Variants in PRDM16 observed in about 807,000 individuals in gnomAD.
PRDM16 encodes histone-lysine N-methyltransferase PRDM16.
PRDM16 carries 23 observed loss-of-function variants against 110.6 expected under a neutral mutation model. That is an observed-to-expected ratio of 0.21 (90% CI 0.15 to 0.29). The LOEUF (loss-of-function observed/expected upper bound fraction) is 0.29, where lower values mean the gene tolerates loss of function less well. PRDM16 is among the 10% of genes least tolerant of loss of function. The pLI is 1.00. For synonymous variants in PRDM16, 799 were observed against 781.8 expected, an observed-to-expected ratio of 1.02 and a Z score of -0.37; for missense variants, 1,615 against 1,794.3, an observed-to-expected ratio of 0.90 and a Z score of 1.81.
intron 2 of PRDM16, among the ~76,000 whole-genome samples, chr1:3,200,551 C>T (rs1334033289): frequency 2.6e-5 from 4 of 152,140 alleles, no homozygotes; most frequent in Admixed American, 2.6e-4. Flanking sequence ...ACCGTGTTAG[C>T]CAGGATGGTC....
chr1:3,326,990 C>T (rs1009343443), intron 3 of PRDM16, among the ~76,000 whole-genome samples: 1 of 152,236 alleles, frequency 6.6e-6, no homozygotes, highest in African/African-American at 2.4e-5. Context: ...GGGAGGAGCC[C>T]ACGCACAGGG....
At chr1:3,281,160 A>G (rs1640703910) in intron 3 of PRDM16, among the ~76,000 whole-genome samples, 1 of 152,240 alleles carries the variant, frequency 6.6e-6, no homozygotes, top group Non-Finnish European at 1.5e-5. Context: ...ATGCTGCAAG[A>G]TGCCCAGATG....
At chr1:3,225,565 TG>T (rs1557541549) in intron 2 of PRDM16, among the ~76,000 whole-genome samples, 1 of 125,234 alleles carries the variant, frequency 8.0e-6, no homozygotes, top group East Asian at 2.9e-4. Flanking sequence ...TGTGTGTGTG[TG>T]TGTGTGTGCG....
At chr1:3,164,112 C>T (rs1034652120) in intron 1 of PRDM16, among the ~76,000 whole-genome samples, 1 of 152,272 alleles carries the variant, frequency 6.6e-6, no homozygotes, top group Non-Finnish European at 1.5e-5. Context: ...CTGTGTCGTC[C>T]ATCAACTTCC....
chr1:3,296,410 G>A lies in PRDM16; in HGVS notation c.438+52273G>A, dbSNP rs564482370. Among the ~76,000 whole-genome samples, 26 of 152,368 alleles carry A rather than the reference G, an allele frequency of 1.7e-4. No homozygotes were observed. The South Asian group carries it at 5.4e-3, about 32-fold the overall frequency. On this transcript the variant is annotated intron_variant, in intron 3 of 16. Coordinates refer to ENST00000270722, the MANE Select transcript of PRDM16 (RefSeq NM_022114.4). ...ACTTCTCCTTCCTCCACTCTGTGCGGAACTGGGGCCGGGGGCAGAGGTAGG... is the reference window on the plus strand; with the variant it reads ...ACTTCTCCTTCCTCCACTCTGTGCGAAACTGGGGCCGGGGGCAGAGGTAGG...
At chr1:3,095,361 C>T (rs546927153) in intron 1 of PRDM16, among the ~76,000 whole-genome samples, 3 of 149,540 alleles carry the variant, frequency 2.0e-5, no homozygotes, top group South Asian at 2.1e-4. Context: ...TGCTGGGTGC[C>T]GCTGGGGTGC....
intron 2 of PRDM16, among the ~76,000 whole-genome samples, chr1:3,199,114 G>T (rs1638555006): frequency 6.6e-6 from 1 of 152,192 alleles, no homozygotes; most frequent in Admixed American, 6.5e-5. Flanking sequence ...AGGCTGGAGA[G>T]AGTGCTGTGC....
chr1:3,156,039 C>T (rs1370631687), intron 1 of PRDM16, among the ~76,000 whole-genome samples: 1 of 152,220 alleles, frequency 6.6e-6, no homozygotes, highest in Non-Finnish European at 1.5e-5. Context: ...AGAGAGAAAA[C>T]AGCTCTGTCA....
At chr1:3,117,844 C>A (rs1165441962) in intron 1 of PRDM16, among the ~76,000 whole-genome samples, 1 of 152,146 alleles carries the variant, frequency 6.6e-6, no homozygotes, top group African/African-American at 2.4e-5. Flanking sequence ...TCCGCACATT[C>A]ATGTTTCCAC....
At chr1:3,285,088 C>T (rs911078819) in intron 3 of PRDM16, among the ~76,000 whole-genome samples, 1 of 152,140 alleles carries the variant, frequency 6.6e-6, no homozygotes, top group Non-Finnish European at 1.5e-5. Context: ...ACTCTCTGGC[C>T]CCCCCAAGTT....
Position 3,148,765 on chromosome 1 carries a change from T to G in PRDM16, c.38-37360T>G, listed in dbSNP as rs1643725283. On this transcript the variant is annotated intron_variant, in intron 1 of 16. Transcript: ENST00000270722. This position sits in a 1 kb window ranked among gnomAD's most constrained non-coding sequence, Gnocchi z 5.0. ...GGGACCATGGGGGGACCACAATATCTCTCTAAAATCCCCAAATCCATCCCC... is the reference window on the plus strand; with the variant it reads ...GGGACCATGGGGGGACCACAATATCGCTCTAAAATCCCCAAATCCATCCCC... 6.6e-6 allele frequency among the ~76,000 whole-genome samples: 1 copy of G among 152,222 alleles called. No individual in the cohort carries two copies. Among genetic ancestry groups the G allele is most frequent in the Non-Finnish European group, 1.5e-5 (1 of 68,044 alleles).
intron 3 of PRDM16, among the ~76,000 whole-genome samples, chr1:3,283,096 C>G (rs1237030084): frequency 6.6e-6 from 1 of 152,232 alleles, no homozygotes; most frequent in Non-Finnish European, 1.5e-5. Context: ...CGTCTTCACT[C>G]TGCCCCTCCC....
chr1:3,388,458 G>C (rs965368286), intron 4 of PRDM16, among the ~76,000 whole-genome samples: 1 of 152,194 alleles, frequency 6.6e-6, no homozygotes, highest in Non-Finnish European at 1.5e-5. Context: ...ACTTCGGTCA[G>C]AAAAGCATCA....
At position 3,173,538 on chromosome 1, in the gene PRDM16, CA is replaced by C. The variant is rs372197620; in HGVS notation, c.38-12586del. Among the ~76,000 whole-genome samples, 302 of 152,326 alleles carry C rather than the reference CA, an allele frequency of 2.0e-3. 1 individual carries two copies. The highest frequency in any genetic ancestry group is 6.9e-3 in the African/African-American group (287 of 41,568). On this transcript the variant is annotated intron_variant, in intron 1 of 16. Coordinates refer to ENST00000270722, the MANE Select transcript of PRDM16 (RefSeq NM_022114.4). The stretch of plus-strand genomic sequence containing the variant: ...GAGGGCCAGATTCAGCTCGGCTGGT[CA>C]GGGGAGATTCCAGGGGCTGGGAGGG...
intron 12 of PRDM16, among the ~76,000 whole-genome samples, chr1:3,423,851 T>C (rs1032322522): frequency 1.1e-4 from 16 of 152,356 alleles, no homozygotes; most frequent in African/African-American, 2.9e-4. Context: ...ATGGGCATCA[T>C]GGAGCTTGCT....
At chr1:3,126,296 C>G (rs1224301788) in intron 1 of PRDM16, among the ~76,000 whole-genome samples, 8 of 152,188 alleles carry the variant, frequency 5.3e-5, no homozygotes, top group African/African-American at 1.9e-4. Context: ...GCCAGTCTGG[C>G]CCCAGGCCAG....
intron 1 of PRDM16, among the ~76,000 whole-genome samples, chr1:3,171,335 G>A (rs1354432172): frequency 1.3e-5 from 2 of 152,352 alleles, no homozygotes; most frequent in East Asian, 1.9e-4. Flanking sequence ...CCAGGGAAAG[G>A]GAAGCAGAGA....
At chr1:3,132,079 C>T (rs766301672) in intron 1 of PRDM16, among the ~76,000 whole-genome samples, 4 of 151,960 alleles carry the variant, frequency 2.6e-5, no homozygotes, top group Non-Finnish European at 5.9e-5. Flanking sequence ...GGGAAATGAG[C>T]GATCAGGGGC....
In PRDM16 at chr1:3,320,981, C is replaced by T. The variant is rs995571182; in HGVS notation, c.439-64171C>T. Among the ~76,000 whole-genome samples, 4 of 152,234 alleles carry T rather than the reference C, an allele frequency of 2.6e-5. No homozygotes were observed. The East Asian group carries it at 5.8e-4, about 22-fold the overall frequency. On this transcript the variant is annotated intron_variant, in intron 3 of 16. Coordinates refer to ENST00000270722, the MANE Select transcript of PRDM16 (RefSeq NM_022114.4). ...GGCTGTCCCAAGCACCCGAGGGAGACGAAACGCGTGCCCTTCCTCATGGAG... is the reference window on the plus strand; with the variant it reads ...GGCTGTCCCAAGCACCCGAGGGAGATGAAACGCGTGCCCTTCCTCATGGAG...
Sources: allele counts gnomAD v4.1 joint callset (sites outside exome capture counted in the v4.1 genomes callset), GRCh38; gene constraint gnomAD v4.1.1; non-coding constraint Gnocchi (gnomAD v3.1); transcripts MANE v1.5; gene names NCBI Gene and HGNC (gene_info 2026-07-23, HGNC 2026-07-21).